Variants in ZNF583 observed in about 807,000 individuals in gnomAD.
ZNF583 encodes zinc finger protein L3-5.
In ZNF583, 30 loss-of-function variants were observed where a neutral mutation model predicts 55.3. The ratio of observed to expected loss-of-function variants is 0.54; its 90% CI spans 0.41 to 0.74. The LOEUF (loss-of-function observed/expected upper bound fraction) is 0.74. ZNF583 is among the 30% of genes least tolerant of loss of function. The pLI is 0.00. For missense variants in ZNF583, 504 were observed against 664.7 expected (o/e 0.76, Z 2.66); for synonymous variants, 208 against 220.0 (o/e 0.95, Z 0.48).
At chr19:56,418,275 T>C (rs2066659123) in intron 4 of ZNF583, among the ~76,000 whole-genome samples, 1 of 152,142 alleles carries the variant, frequency 6.6e-6, no homozygotes. Flanking sequence ...CATTTATTAG[T>C]CTTTAAAAAT....
Position 56,425,875 on chromosome 19 carries a change from C to G in ZNF583, c.*1507C>G, listed in dbSNP as rs1338730227. On this transcript the variant is annotated 3_prime_UTR_variant, in exon 5 of 5. Transcript: ENST00000333201. ...ATGTGTTTTCCCTTTCTCCAACATTCAAACCACTCCCTGATTCTTTACATC... is the reference window on the plus strand; with the variant it reads ...ATGTGTTTTCCCTTTCTCCAACATTGAAACCACTCCCTGATTCTTTACATC... The G allele has an allele frequency of 6.6e-6, 1 of 152,180 alleles. No homozygotes were observed. Among genetic ancestry groups the G allele is most frequent in the Non-Finnish European group, 1.5e-5 (1 of 68,036 alleles). The allele number at this position is 152,180 out of a possible 1,614,324, so 9.4% of individuals were successfully genotyped here.
chr19:56,406,955 G>T, intron 1 of ZNF583, 71 bp from the exon 2 acceptor site: 1 of 659,034 alleles, frequency 1.5e-6, no homozygotes, highest in Admixed American at 3.1e-5. Context: ...GAGAAGGAAA[G>T]GTTTCTAGGC....
intron 4 of ZNF583, among the ~76,000 whole-genome samples, chr19:56,421,870 A>T (rs2042421069): frequency 6.6e-6 from 1 of 152,194 alleles, no homozygotes; most frequent in African/African-American, 2.4e-5. Flanking sequence ...GCAAAGCAGG[A>T]GGAAAGAGAA....
In ZNF583 at chr19:56,423,846, T is replaced by G. The variant is rs759164099; in HGVS notation, c.1188T>G (p.Ala396=). The G allele has an allele frequency of 3.1e-6, 5 of 1,613,610 alleles. No homozygotes were observed. The Admixed American group carries it at 8.3e-5, about 27-fold the overall frequency. The part of the protein sequence containing the change: ...RKAFSQYAHL[A]QHQRVHTGEK... ...CCTTCAGCCAGTATGCACACCTTGCTCAACATCAGAGAGTTCATACTGGAG... is the reference window on the plus strand; with the variant it reads ...CCTTCAGCCAGTATGCACACCTTGCGCAACATCAGAGAGTTCATACTGGAG... Residue 396 remains alanine, a synonymous_variant, in exon 5 of 5, where the codon GCT becomes GCG. Coordinates refer to ENST00000333201, the MANE Select transcript of ZNF583 (RefSeq NM_152478.3).
At chr19:56,416,903 C>G (rs2147589670) in intron 4 of ZNF583, among the ~76,000 whole-genome samples, 1 of 152,240 alleles carries the variant, frequency 6.6e-6, no homozygotes, top group East Asian at 1.9e-4. Context: ...TTCCATCTAT[C>G]CTACTCTCCA....
intron 2 of ZNF583, among the ~76,000 whole-genome samples, chr19:56,411,434 G>T (rs2042236865): frequency 6.6e-6 from 1 of 152,126 alleles, no homozygotes; most frequent in Non-Finnish European, 1.5e-5. Context: ...GGTATTCATG[G>T]TCTCATTGGC....
At chr19:56,414,622 C>G (rs987251156) in intron 4 of ZNF583, 182 bp downstream of exon 4, 1 of 570,992 alleles carries the variant, frequency 1.8e-6, no homozygotes, top group Non-Finnish European at 3.1e-6. Flanking sequence ...TCTATATTCT[C>G]TCACAAGTTA....
In ZNF583 at chr19:56,414,055, T is replaced by C; in HGVS notation, c.106T>C (p.Leu36=). Reference sequence around the variant, plus strand: ...GAGGAATTTGTACAGGAAAGTGATGTTGGAGAACTACAGGAGCTTGGTATC... The same window carrying C: ...GAGGAATTTGTACAGGAAAGTGATGCTGGAGAACTACAGGAGCTTGGTATC... The part of the protein sequence containing the change: ...AQRNLYRKVM[L]ENYRSLVSLG... The change falls in exon 3 of 5, where the codon TTG becomes CTG. Residue 36 remains leucine, a synonymous_variant. Transcript: ENST00000333201. The C allele has an allele frequency of 1.9e-6, 3 of 1,606,438 alleles. No homozygotes were observed. Among genetic ancestry groups the C allele is most frequent in the African/African-American group, 1.3e-5 (1 of 74,722 alleles).
chr19:56,413,346 G>A (rs2042266929), intron 2 of ZNF583, among the ~76,000 whole-genome samples: 1 of 152,110 alleles, frequency 6.6e-6, no homozygotes, highest in East Asian at 1.9e-4. Context: ...CTTCTTGATT[G>A]CTCTCTGTTA....
At chr19:56,414,528 C>T (rs2042288369) in intron 4 of ZNF583, 88 bp downstream of exon 4, 1 of 1,202,154 alleles carries the variant, frequency 8.3e-7, no homozygotes. Context: ...TTGACGTTTC[C>T]TGGGTAGCTC....
At chr19:56,414,211 G>A in intron 3 of ZNF583, 126 bp downstream of exon 3, 1 of 1,512,280 alleles carries the variant, frequency 6.6e-7, no homozygotes, top group Non-Finnish European at 9.1e-7. Context: ...GGTTGAATTT[G>A]TAGAATTGGC....
intron 1 of ZNF583, among the ~76,000 whole-genome samples, chr19:56,405,136 G>C (rs1026484549): frequency 1.3e-5 from 2 of 152,182 alleles, no homozygotes; most frequent in Non-Finnish European, 2.9e-5. Context: ...TTGTGTGACA[G>C]TGTGTGAGAC....
chr19:56,423,607 G>C lies in ZNF583; in HGVS notation c.949G>C (p.Val317Leu), dbSNP rs768458959. The change falls in exon 5 of 5, where the codon GTT becomes CTT. Residue 317 changes from valine to leucine, a missense_variant. Transcript: ENST00000333201. ...TGCACACCTGACTCAGCATCAGAGA[G>C]TTCATACTGGAGAGAGACCTTTCGA... The part of the protein sequence containing the change: ...QIAHLTQHQR[V>L]HTGERPFECI... 6.2e-7 allele frequency: 1 copy of C among 1,613,976 alleles called. No individual in the cohort carries two copies. Among genetic ancestry groups the C allele is most frequent in the Non-Finnish European group, 8.5e-7 (1 of 1,179,976 alleles).
rs558796405 is a variant in ZNF583, at chr19:56,426,714, T to G, written c.*2346T>G. 6.6e-6 allele frequency: 1 copy of G among 152,190 alleles called. No individual in the cohort carries two copies. The highest frequency in any genetic ancestry group is 2.4e-5 in the African/African-American group (1 of 41,512). 9.4% of individuals were successfully genotyped at this position (152,190 alleles called of 1,614,324 possible). On this transcript the variant is annotated 3_prime_UTR_variant, in exon 5 of 5. Coordinates refer to ENST00000333201, the MANE Select transcript of ZNF583 (RefSeq NM_152478.3). ...ACAGTTTAGGCCAATGAAATACTAT[T>G]TTTTTCAATATCAGATTAATAAAAC...
chr19:56,426,860 T>C lies in ZNF583; in HGVS notation c.*2492T>C, dbSNP rs761506585. On this transcript the variant is annotated 3_prime_UTR_variant, in exon 5 of 5. Transcript: ENST00000333201. ...TTAATTGGGAAAAGTAGAATTTTAT[T>C]TTGAAGTTCAAAAACTCGGCACACA... 3 of 151,872 alleles carry C rather than the reference T, an allele frequency of 2.0e-5. No homozygotes were observed. The highest frequency in any genetic ancestry group is 4.4e-5 in the Non-Finnish European group (3 of 68,002). The allele number at this position is 151,872 out of a possible 1,614,324, so 9.4% of individuals were successfully genotyped here. A position where few individuals can be genotyped will look rare whatever the true frequency, so the allele number is the denominator to read the frequency against.
chr19:56,415,368 C>A (rs1425532410), intron 4 of ZNF583, among the ~76,000 whole-genome samples: 2 of 151,942 alleles, frequency 1.3e-5, no homozygotes, highest in Non-Finnish European at 2.9e-5. Context: ...GAGTTCCAAG[C>A]AAAGAAATGC....
At chr19:56,413,739 T>C (rs2042273288) in intron 2 of ZNF583, among the ~76,000 whole-genome samples, 1 of 152,244 alleles carries the variant, frequency 6.6e-6, no homozygotes, top group South Asian at 2.1e-4. Context: ...TAGGATTATC[T>C]CTCAAATTGT....
At position 56,423,236 on chromosome 19, in the gene ZNF583, A is replaced by G; in HGVS notation, c.578A>G (p.Tyr193Cys). Residue 193 changes from tyrosine to cysteine, a missense_variant, in exon 5 of 5, where the codon TAC (tyrosine) becomes TGC (cysteine). Tyr to Cys is a radical substitution (Grantham distance 194). This residue lies in a region of ZNF583 where 204 missense variants were observed against 235.2 expected (regional missense o/e 0.87). Transcript: ENST00000333201. ...AAGCATGAACCACAAAAGAAAAGTT[A>G]CCGAAAAAAATCTGTTGAAATGAAA... ...AHKHEPQKKS[Y>C]RKKSVEMKHR... 1 of 1,612,498 alleles carries G rather than the reference A, an allele frequency of 6.2e-7. No homozygotes were observed. Among genetic ancestry groups the G allele is most frequent in the Non-Finnish European group, 8.5e-7 (1 of 1,179,718 alleles).
At position 56,423,849 on chromosome 19, in the gene ZNF583, A is replaced by T; in HGVS notation, c.1191A>T (p.Gln397His). 2 of 1,613,912 alleles carry T rather than the reference A, an allele frequency of 1.2e-6. No homozygotes were observed. Among genetic ancestry groups the T allele is most frequent in the Non-Finnish European group, 1.7e-6 (2 of 1,179,930 alleles). Residue 397 changes from glutamine (Q) to histidine (H), a missense_variant, in exon 5 of 5, where the codon CAA (glutamine) becomes CAT (histidine). Physicochemically the swap from Gln to His is conservative, Grantham distance 24. Around this residue, in one of 3 missense-constraint regions of ZNF583, gnomAD observed 237 missense variants for 373.0 expected, o/e 0.64. Transcript: ENST00000333201. ...TCAGCCAGTATGCACACCTTGCTCA[A>T]CATCAGAGAGTTCATACTGGAGAAA... ...KAFSQYAHLA[Q>H]HQRVHTGEKP...
Sources: gnomAD v4.1 joint callset for allele counts (sites outside exome capture counted in the v4.1 genomes callset) on GRCh38, gnomAD v4.1.1 for gene constraint, gnomAD v4.1.1 regional missense constraint, MANE v1.5 for transcripts, NCBI Gene and HGNC (gene_info 2026-07-23, HGNC 2026-07-21) for gene names.